WWOX: variants seen among roughly 807,000 people sequenced by gnomAD.
The protein encoded by WWOX is WW domain containing oxidoreductase, also known as WW domain-containing oxidoreductase.
In WWOX, 69 loss-of-function variants were observed where a neutral mutation model predicts 46.2. The ratio of observed to expected loss-of-function variants is 1.49; its 90% confidence interval spans 1.23 to 1.82. WWOX has a LOEUF of 1.82. Among genes scored for constraint, WWOX ranks in the 40% most tolerant of loss-of-function variants. WWOX has a pLI of 0.00. For synonymous variants in WWOX, 359 were observed against 202.6 expected (o/e 1.77, Z -6.56); for missense variants, 919 against 542.6 (o/e 1.69, Z -6.89).
chr16:78,523,639 G>A (rs1375746454), intron 8 of WWOX, among the ~76,000 whole-genome samples: 1 of 152,148 alleles, frequency 6.6e-6, no homozygotes, highest in Non-Finnish European at 1.5e-5. Context: ...AAAAAACTTC[G>A]CTTTTCGTAA....
At chr16:79,064,798 A>T (rs2150554702) in intron 8 of WWOX, among the ~76,000 whole-genome samples, 1 of 152,348 alleles carries the variant, frequency 6.6e-6, no homozygotes. Flanking sequence ...GTGAGGAAGG[A>T]TGCAAATAAG....
intron 5 of WWOX, among the ~76,000 whole-genome samples, chr16:78,306,037 G>A (rs1187451962): frequency 6.6e-6 from 1 of 151,946 alleles, no homozygotes; most frequent in African/African-American, 2.4e-5. Context: ...ATCAATTCGA[G>A]CTGTGTTTAT....
At chr16:78,174,164 A>G (rs2035255475) in intron 5 of WWOX, among the ~76,000 whole-genome samples, 1 of 152,188 alleles carries the variant, frequency 6.6e-6, no homozygotes, top group Non-Finnish European at 1.5e-5. Flanking sequence ...CACACCCACG[A>G]CTGGGAAGAA....
At chr16:78,806,893 T>C (rs548228713) in intron 8 of WWOX, among the ~76,000 whole-genome samples, 17 of 152,106 alleles carry the variant, frequency 1.1e-4, no homozygotes, top group Non-Finnish European at 1.9e-4. Flanking sequence ...CAGTGGGATA[T>C]TGGGAAAAGA....
intron 8 of WWOX, among the ~76,000 whole-genome samples, chr16:78,459,477 G>A (rs1597115289): frequency 6.6e-6 from 1 of 152,228 alleles, no homozygotes; most frequent in Admixed American, 6.5e-5. Context: ...TAACTATCAA[G>A]GTCATGCGGT....
intron 8 of WWOX, among the ~76,000 whole-genome samples, chr16:78,464,111 C>G (rs1395124272): frequency 6.6e-6 from 1 of 152,118 alleles, no homozygotes; most frequent in Non-Finnish European, 1.5e-5. Flanking sequence ...GGCTCTGACC[C>G]ATTCATCTGA....
At chr16:78,422,632 C>A (rs1199729227) in intron 6 of WWOX, among the ~76,000 whole-genome samples, 2 of 97,138 alleles carry the variant, frequency 2.1e-5, no homozygotes, top group South Asian at 3.6e-4. Flanking sequence ...AGAGGTGAGC[C>A]ACTGTGCCCA....
intron 8 of WWOX, among the ~76,000 whole-genome samples, chr16:79,194,284 CCTT>C (rs2051194658): frequency 6.6e-6 from 1 of 152,050 alleles, no homozygotes; most frequent in Non-Finnish European, 1.5e-5. Flanking sequence ...TTTCCTTTGG[CCTT>C]CAAAGGAAAT....
chr16:78,288,114 C>G (rs2079799829), intron 5 of WWOX, among the ~76,000 whole-genome samples: 1 of 152,066 alleles, frequency 6.6e-6, no homozygotes, highest in Non-Finnish European at 1.5e-5. Context: ...CTGCTACCTT[C>G]AAGACACTTC....
At chr16:78,742,116 C>G (rs1348347930) in intron 8 of WWOX, among the ~76,000 whole-genome samples, 3 of 152,280 alleles carry the variant, frequency 2.0e-5, no homozygotes, top group African/African-American at 7.2e-5. Context: ...TATCTTTTAT[C>G]TCAACCCATT....
At chr16:79,194,906 A>G (rs1009176040) in intron 8 of WWOX, among the ~76,000 whole-genome samples, 1 of 152,088 alleles carries the variant, frequency 6.6e-6, no homozygotes, top group Non-Finnish European at 1.5e-5. Flanking sequence ...TACTCCCCAA[A>G]CTAAAGGATG....
intron 4 of WWOX, among the ~76,000 whole-genome samples, chr16:78,143,921 G>A (rs541965236): frequency 5.3e-5 from 8 of 151,544 alleles, no homozygotes; most frequent in African/African-American, 1.5e-4. Context: ...TTCTTAACAC[G>A]GGGATACATT....
At chr16:79,207,633 T>C (rs935874236) in intron 8 of WWOX, among the ~76,000 whole-genome samples, 2 of 152,256 alleles carry the variant, frequency 1.3e-5, no homozygotes, top group Non-Finnish European at 2.9e-5. Flanking sequence ...ATCTCATAGT[T>C]AAGTCTACTT....
intron 8 of WWOX, among the ~76,000 whole-genome samples, chr16:78,697,378 C>A: frequency 6.6e-6 from 1 of 151,994 alleles, no homozygotes; most frequent in East Asian, 1.9e-4. Context: ...AAGATGGTAT[C>A]GCAAATGCAA....
At chr16:78,453,489 G>A (rs1046443818) in intron 8 of WWOX, among the ~76,000 whole-genome samples, 44 of 152,060 alleles carry the variant, frequency 2.9e-4, no homozygotes, top group Admixed American at 1.2e-3. Flanking sequence ...ATGAGCTAGC[G>A]GTAGAAATGC....
chr16:78,661,494 A>G (rs563989069), intron 8 of WWOX, among the ~76,000 whole-genome samples: 1 of 152,074 alleles, frequency 6.6e-6, no homozygotes, highest in Admixed American at 6.5e-5. Context: ...ATTTGTCTGG[A>G]TTTGATCATT....
intron 8 of WWOX, among the ~76,000 whole-genome samples, chr16:79,069,869 T>C (rs373875312): frequency 5.3e-5 from 8 of 152,272 alleles, no homozygotes; most frequent in African/African-American, 1.9e-4. Context: ...TTGGCCCAAA[T>C]TGACTCATTG....
intron 8 of WWOX, among the ~76,000 whole-genome samples, chr16:78,665,479 G>A (rs2047309178): frequency 6.6e-6 from 1 of 152,080 alleles, no homozygotes; most frequent in Admixed American, 6.5e-5. Context: ...ATTTGCTGTG[G>A]CGAGTGGAAT....
intron 8 of WWOX, among the ~76,000 whole-genome samples, chr16:78,817,169 A>ATTGTTTT (rs1460643310): frequency 7.5e-5 from 2 of 26,586 alleles, no homozygotes; most frequent in African/African-American, 3.1e-4. Context: ...CATTAGTGCT[A>ATTGTTTT]TTCTTTTTTT....
Sources: allele counts gnomAD v4.1 joint callset (sites outside exome capture counted in the v4.1 genomes callset), GRCh38; gene constraint gnomAD v4.1.1; transcripts MANE v1.5; gene names NCBI Gene and HGNC (gene_info 2026-07-23, HGNC 2026-07-21).